The following CHRNB1 variants were observed in gnomAD, a reference collection of about 807,000 sequenced individuals.
CHRNB1 encodes cholinergic receptor nicotinic beta 1 subunit.
CHRNB1 carries 47 observed loss-of-function variants against 53.8 expected under a neutral mutation model. The ratio of observed to expected loss-of-function variants is 0.87; its 90% confidence interval spans 0.69 to 1.11. The LOEUF is 1.11. Ranked by LOEUF, CHRNB1 falls within the 50% of genes most tolerant of loss-of-function variation. CHRNB1 has a pLI of 0.00. For missense variants in CHRNB1, 605 were observed against 654.9 expected (o/e 0.92, Z 0.83); for synonymous variants, 259 against 263.5 (o/e 0.98, Z 0.16).
chr17:7,448,712 C>T lies in CHRNB1; in HGVS notation c.744C>T (p.Tyr248=). 2 of 1,614,250 alleles carry T rather than the reference C, an allele frequency of 1.2e-6. No individual in the cohort carries two copies. Among genetic ancestry groups the T allele is most frequent in the East Asian group, 4.5e-5 (2 of 44,884 alleles). ...TCATCCGCCGCAAGCCTCTCTTCTA[C>T]CTGGTCAACGTCATTGCCCCATGCA... ...YLIIRRKPLF[Y]LVNVIAPCIL... Residue 248 remains tyrosine, a synonymous_variant, in exon 7 of 11, where the codon TAC becomes TAT. Coordinates refer to ENST00000306071, the MANE Select transcript of CHRNB1 (RefSeq NM_000747.3).
chr17:7,454,210 A>G, intron 7 of CHRNB1, 87 bp from the exon 8 acceptor site: 1 of 1,156,060 alleles, frequency 8.7e-7, no homozygotes, highest in East Asian at 2.3e-5. Context: ...CTGTCTTTGA[A>G]TGGCCTGGAA....
intron 8 of CHRNB1, 74 bp from the exon 9 acceptor site, chr17:7,455,210 T>C: frequency 6.5e-7 from 1 of 1,546,044 alleles, no homozygotes; most frequent in Non-Finnish European, 8.9e-7. Flanking sequence ...GCATGTGGAG[T>C]GGGGTGGTTG....
At chr17:7,446,983 C>A in intron 4 of CHRNB1, 41 bp downstream of exon 4, 5 of 589,772 alleles carry the variant, frequency 8.5e-6, no homozygotes, top group Non-Finnish European at 1.6e-5. Context: ...CGCGGGGCCT[C>A]GGGGGGCGGG....
Position 7,456,588 on chromosome 17 carries a change from G to A in CHRNB1, c.1371G>A (p.Lys457=). 1.2e-6 allele frequency: 2 copies of A among 1,614,176 alleles called. No individual in the cohort carries two copies. Among genetic ancestry groups the A allele is most frequent in the Non-Finnish European group, 8.5e-7 (1 of 1,180,044 alleles). ...TTTCCTTTGCCTACCCACAGCTGAA[G>A]GAGGACTGGCAGTTTGTGGCCATGG... The part of the protein sequence containing the change: ...LQEQEDHDAL[K]EDWQFVAMVV... Residue 457 remains lysine, a synonymous_variant, in exon 11 of 11, where the codon AAG becomes AAA. Coordinates refer to ENST00000306071, the MANE Select transcript of CHRNB1 (RefSeq NM_000747.3).
rs1052446765 is a variant in CHRNB1 at position 7,445,875 on chromosome 17, A to G, written c.199-194A>G. 9.2e-6 allele frequency: 6 copies of G among 650,176 alleles called. No homozygotes were observed. Among genetic ancestry groups the G allele is most frequent in the Non-Finnish European group, 1.7e-5 (6 of 362,470 alleles). The allele number at this position is 650,176 out of a possible 1,614,324, so 40.3% of individuals were successfully genotyped here. A position where few individuals can be genotyped will look rare whatever the true frequency, so the allele number is the denominator to read the frequency against. On this transcript the variant is annotated intron_variant, in intron 2 of 10. Transcript: ENST00000306071. This position sits in a 1 kb window ranked among gnomAD's most constrained non-coding sequence, Gnocchi z 5.7. ...TGGTAGGTTGATAGGCTGGGAGTGTAGACGGCAGGAAGAGGTGTTTCTGAG... is the reference window on the plus strand; with the variant it reads ...TGGTAGGTTGATAGGCTGGGAGTGTGGACGGCAGGAAGAGGTGTTTCTGAG...
At position 7,447,512 on chromosome 17, in the gene CHRNB1, T is replaced by C. The variant is rs961261483; in HGVS notation, c.472T>C (p.Phe158Leu). The change falls in exon 6 of 11, where the codon TTC (phenylalanine) becomes CTC (leucine). Residue 158 changes from phenylalanine (F) to leucine (L), a missense_variant. Phe to Leu is a conservative substitution (Grantham distance 22). Transcript: ENST00000306071. Reference sequence around the variant, plus strand: ...TCTCTCCTCCATCCAGGTCACCTACTTCCCCTTCGACTGGCAGAATTGCAC... The same window carrying C: ...TCTCTCCTCCATCCAGGTCACCTACCTCCCCTTCGACTGGCAGAATTGCAC... ...RSSCSIQVTYFPFDWQNCTMV... is the reference protein window; with the variant it reads ...RSSCSIQVTYLPFDWQNCTMV... 2.2e-5 allele frequency: 35 copies of C among 1,614,062 alleles called. No homozygotes were observed. Among genetic ancestry groups the C allele is most frequent in the Non-Finnish European group, 2.8e-5 (33 of 1,180,044 alleles).
At chr17:7,446,966 G>C (rs1357481115) in intron 4 of CHRNB1, 24 bp downstream of exon 4, 11 of 1,601,238 alleles carry the variant, frequency 6.9e-6, no homozygotes, top group Non-Finnish European at 8.6e-6. Flanking sequence ...CAAAGCCCGG[G>C]AGGTGGCGCG....
chr17:7,445,259 T>C lies in CHRNB1; in HGVS notation c.59-11T>C. 6.2e-7 allele frequency: 1 copy of C among 1,612,408 alleles called. No individual in the cohort carries two copies. The highest frequency in any genetic ancestry group is 8.5e-7 in the Non-Finnish European group (1 of 1,179,642). ...AGGCACCAGGGCTGCACTTATTCTC[T>C]CCTCCCCCAGGCGTCCGCGGCTCGG... On this transcript the variant is annotated splice_polypyrimidine_tract_variant and intron_variant, in intron 1 of 10. Transcript: ENST00000306071. This position sits in a 1 kb window ranked among gnomAD's most constrained non-coding sequence, Gnocchi z 5.7.
intron 7 of CHRNB1, among the ~76,000 whole-genome samples, chr17:7,449,669 C>T (rs1208813650): frequency 6.6e-6 from 1 of 151,930 alleles, no homozygotes; most frequent in Non-Finnish European, 1.5e-5. Flanking sequence ...CTCAGCCTCC[C>T]AACGTACTGG....
chr17:7,447,614 C>T lies in CHRNB1; in HGVS notation c.574C>T (p.His192Tyr). The change falls in exon 6 of 11, where the codon CAT becomes TAT. Residue 192 changes from histidine (H) to tyrosine (Y), a missense_variant. By Grantham distance (83) the His-to-Tyr change is moderately conservative. Transcript: ENST00000306071. ...QTGLGPDGQG[H>Y]QEIHIHEGTF... Reference sequence around the variant, plus strand: ...AGGCCTGGGTCCTGACGGGCAAGGGCATCAGGAAATCCACATTCATGAAGG... The same window carrying T: ...AGGCCTGGGTCCTGACGGGCAAGGGTATCAGGAAATCCACATTCATGAAGG... 1.2e-6 allele frequency: 2 copies of T among 1,614,214 alleles called. No individual in the cohort carries two copies. Among genetic ancestry groups the T allele is most frequent in the Non-Finnish European group, 1.7e-6 (2 of 1,180,034 alleles).
intron 8 of CHRNB1, among the ~76,000 whole-genome samples, 171 bp downstream of exon 8, chr17:7,454,691 A>G (rs1208799467): frequency 6.6e-6 from 1 of 151,752 alleles, no homozygotes; most frequent in East Asian, 1.9e-4. Context: ...CTCTTCATCA[A>G]TACTGCCCAT....
At chr17:7,448,371 A>G (rs146634073) in intron 6 of CHRNB1, among the ~76,000 whole-genome samples, 212 of 152,284 alleles carry the variant, frequency 1.4e-3, no homozygotes, top group African/African-American at 4.8e-3. Flanking sequence ...GGGCAACAAG[A>G]GCAAAACTCT....
rs1908998098 is a variant in CHRNB1 at position 7,454,426 on chromosome 17, T to A, written c.950T>A (p.Val317Asp). The A allele has an allele frequency of 1.2e-6, 2 of 1,614,126 alleles. No individual in the cohort carries two copies. The highest frequency in any genetic ancestry group is 1.7e-6 in the Non-Finnish European group (2 of 1,180,004). The change falls in exon 8 of 11, where the codon GTC becomes GAC. Residue 317 changes from valine (V) to aspartate (D), a missense_variant. By Grantham distance (152) the Val-to-Asp change is radical (BLOSUM62 -3). Transcript: ENST00000306071. ...IIIKYLMFTM[V>D]LVTFSVILSV... ...ATCAAGTACCTCATGTTTACCATGG[T>A]CCTCGTCACCTTCTCAGTCATCCTT...
In CHRNB1 at chr17:7,445,267, C is replaced by A. The variant is rs372041531; in HGVS notation, c.59-3C>A. ...GGGCTGCACTTATTCTCTCCTCCCC[C>A]AGGCGTCCGCGGCTCGGAGGCGGAG... On this transcript the variant is annotated splice_region_variant and splice_polypyrimidine_tract_variant and intron_variant, in intron 1 of 10. Transcript: ENST00000306071. This position sits in a 1 kb window ranked among gnomAD's most constrained non-coding sequence, Gnocchi z 5.7. The A allele has an allele frequency of 1.2e-6, 2 of 1,612,888 alleles. No homozygotes were observed. The highest frequency in any genetic ancestry group is 2.2e-5 in the South Asian group (2 of 91,012).
chr17:7,446,989 G>A lies in CHRNB1; in HGVS notation c.353+47G>A, dbSNP rs764988154. On this transcript the variant is annotated intron_variant, in intron 4 of 10. Transcript: ENST00000306071. Reference sequence around the variant, plus strand: ...GGGAGGTGGCGCGGGGCCTCGGGGGGCGGGGGGCCTCCGGGCGCGGGGCCT... The same window carrying A: ...GGGAGGTGGCGCGGGGCCTCGGGGGACGGGGGGCCTCCGGGCGCGGGGCCT... 7.5e-6 allele frequency: 12 copies of A among 1,604,688 alleles called. No homozygotes were observed. The Admixed American group carries it at 1.0e-4, about 13-fold the overall frequency.
chr17:7,448,830 A>G, intron 7 of CHRNB1, 42 bp downstream of exon 7: 1 of 1,589,374 alleles, frequency 6.3e-7, no homozygotes, highest in Admixed American at 1.7e-5. Flanking sequence ...TCATTGGCTC[A>G]GCTTCTTACT....
rs940182452 is a variant in CHRNB1, at chr17:7,453,433, T to C, written c.821-864T>C. 2.6e-5 allele frequency among the ~76,000 whole-genome samples: 4 copies of C among 152,086 alleles called. No individual in the cohort carries two copies. In the East Asian group the frequency reaches 7.7e-4, roughly 29 times the overall value. ...TGTACCCGGCTCAGTTTTGGACATG[T>C]TAAGCTTGAAATATTTATTAGACAT... On this transcript the variant is annotated intron_variant, in intron 7 of 10. Transcript: ENST00000306071.
In CHRNB1 at chr17:7,445,996, A is replaced by G. The variant is rs1027546230; in HGVS notation, c.199-73A>G. The stretch of plus-strand genomic sequence containing the variant: ...AAAGGGGGCGGCGTTCCCAGGAGAG[A>G]GGTTGGCCCCCCGAGCCCCCTCATT... On this transcript the variant is annotated intron_variant, in intron 2 of 10. Transcript: ENST00000306071. The surrounding 1 kb of genome is among the most constrained non-coding windows in gnomAD (Gnocchi z 5.7). The G allele has an allele frequency of 1.5e-6, 2 of 1,323,462 alleles. No homozygotes were observed. Among genetic ancestry groups the G allele is most frequent in the Non-Finnish European group, 2.2e-6 (2 of 916,224 alleles). The allele number at this position is 1,323,462 out of a possible 1,614,324, so 82.0% of individuals were successfully genotyped here.
In CHRNB1 at chr17:7,456,891, G is replaced by A; in HGVS notation, c.*168G>A. On this transcript the variant is annotated 3_prime_UTR_variant, in exon 11 of 11. Transcript: ENST00000306071. ...GAGGGCTGGGTAGGCAGGTGTCTTG[G>A]ACCCACCTGAAATGCAGTATCATCT... The A allele has an allele frequency of 1.3e-6, 1 of 795,086 alleles. No homozygotes were observed. Among genetic ancestry groups the A allele is most frequent in the Non-Finnish European group, 2.0e-6 (1 of 496,932 alleles). 49.3% of individuals were successfully genotyped at this position (795,086 alleles called of 1,614,324 possible).
Sources: allele counts gnomAD v4.1 joint callset (sites outside exome capture counted in the v4.1 genomes callset), GRCh38; gene constraint gnomAD v4.1.1; non-coding constraint Gnocchi (gnomAD v3.1); transcripts MANE v1.5; gene names NCBI Gene and HGNC (gene_info 2026-07-23, HGNC 2026-07-21).